The following CDK13 variants were observed in gnomAD, a reference collection of about 807,000 sequenced individuals.
The protein encoded by CDK13 is cyclin dependent kinase 13.
A neutral mutation model predicts 137.6 loss-of-function variants in CDK13; 40 were observed. The observed-to-expected ratio is 0.29, with a 90% CI of 0.23 to 0.38. The LOEUF is 0.38. CDK13 is among the 10% of genes least tolerant of loss of function. The pLI is 1.00. For missense variants in CDK13, 1,704 were observed against 1,951.8 expected, an observed-to-expected ratio of 0.87 and a Z score of 2.39; for synonymous variants, 869 against 760.1, an observed-to-expected ratio of 1.14 and a Z score of -2.36.
intron 9 of CDK13, chr7:40,071,618 A>T (rs1267389074): frequency 6.6e-6 from 1 of 152,144 alleles, no homozygotes; most frequent in African/African-American, 2.4e-5. Flanking sequence ...TGATTTTGTG[A>T]TATTATGCAT....
chr7:39,956,425 C>T (rs1787410512), intron 1 of CDK13, among the ~76,000 whole-genome samples: 1 of 152,220 alleles, frequency 6.6e-6, no homozygotes, highest in Non-Finnish European at 1.5e-5. Context: ...CTTTCCATTT[C>T]TATCACCATT....
chr7:40,089,721 AGAGTGTGTGTGTGTGTGT>A (rs746865749), intron 12 of CDK13, among the ~76,000 whole-genome samples: 34 of 126,830 alleles, frequency 2.7e-4, no homozygotes, highest in Admixed American at 1.3e-3. Flanking sequence ...AGAGAGAGAG[AGAGTGTGTGTGTGTGTGT>A]GTGTGTGTGT....
In CDK13 at chr7:40,024,876, C is replaced by T. The variant is rs148736030; in HGVS notation, c.2354-20960C>T. Among the ~76,000 whole-genome samples, 713 of 152,086 alleles carry T rather than the reference C, an allele frequency of 4.7e-3. 5 individuals are homozygous for T. Among genetic ancestry groups the T allele is most frequent in the African/African-American group, 0.015 (639 of 41,496 alleles). On this transcript the variant is annotated intron_variant, in intron 5 of 13. Transcript: ENST00000181839. ...ATGGGGTTTCACCATGTTAGCCAGG[C>T]TGGTCTCTAACTCCTGACCTCAAGT... is the stretch of plus-strand genomic sequence containing the variant.
chr7:39,981,953 G>C (rs1256495833), intron 1 of CDK13, among the ~76,000 whole-genome samples: 5 of 116,090 alleles, frequency 4.3e-5, no homozygotes, highest in Non-Finnish European at 8.3e-5. Context: ...CACTACGCCC[G>C]GCTAATTTTT....
At chr7:40,075,422 T>G (rs1786524476) in intron 9 of CDK13, among the ~76,000 whole-genome samples, 1 of 152,078 alleles carries the variant, frequency 6.6e-6, no homozygotes, top group African/African-American at 2.4e-5. Context: ...TCAGATATCT[T>G]TCAACATCAC....
rs1051609964 is a variant in CDK13 at position 40,041,333 on chromosome 7, C to G, written c.2354-4503C>G. On this transcript the variant is annotated intron_variant, in intron 5 of 13. Coordinates refer to ENST00000181839, the MANE Select transcript of CDK13 (RefSeq NM_003718.5). ...AGAGTGAGACTCTGTCTCAAAAAAA[C>G]CAACTAAACAAATAATACATTTAAC... Among the ~76,000 whole-genome samples, 4 of 152,004 alleles carry G rather than the reference C, an allele frequency of 2.6e-5. No individual in the cohort carries two copies. The South Asian group carries it at 8.3e-4, about 32-fold the overall frequency.
intron 1 of CDK13, among the ~76,000 whole-genome samples, chr7:39,980,411 A>C (rs1450636823): frequency 6.6e-6 from 1 of 152,272 alleles, no homozygotes; most frequent in Non-Finnish European, 1.5e-5. Flanking sequence ...AGAGGCTACC[A>C]CAGTGCTGTT....
intron 9 of CDK13, chr7:40,068,020 A>T (rs1786319952): frequency 6.6e-6 from 1 of 151,602 alleles, no homozygotes; most frequent in Non-Finnish European, 1.5e-5. Context: ...GCTTGAACCC[A>T]GAAGGCGGAG....
At chr7:40,013,341 G>A (rs1784936343) in intron 5 of CDK13, among the ~76,000 whole-genome samples, 1 of 152,120 alleles carries the variant, frequency 6.6e-6, no homozygotes, top group African/African-American at 2.4e-5. Context: ...AGTCATGGTT[G>A]CACAACAGTA....
At position 40,087,368 on chromosome 7, in the gene CDK13, C is replaced by G. The variant is rs1203337584; in HGVS notation, c.3030-758C>G. Reference sequence around the variant, plus strand: ...ATGTTGCCCAGGCTGGTCTTGAACTCCTGGGCTCAAGCAATCCTCCCGTCT... The same window carrying G: ...ATGTTGCCCAGGCTGGTCTTGAACTGCTGGGCTCAAGCAATCCTCCCGTCT... On this transcript the variant is annotated intron_variant, in intron 11 of 13. Transcript: ENST00000181839. Among the ~76,000 whole-genome samples, 3 of 152,118 alleles carry G rather than the reference C, an allele frequency of 2.0e-5. No individual in the cohort carries two copies. In the East Asian group the frequency reaches 5.8e-4, roughly 30 times the overall value.
At chr7:40,016,232 T>C (rs752348122) in intron 5 of CDK13, among the ~76,000 whole-genome samples, 5 of 152,144 alleles carry the variant, frequency 3.3e-5, no homozygotes, top group Non-Finnish European at 7.4e-5. Flanking sequence ...TAGAGGACAA[T>C]GAGGCTGGGG....
intron 2 of CDK13, among the ~76,000 whole-genome samples, chr7:39,994,140 G>C (rs1333805893): frequency 6.6e-6 from 1 of 151,974 alleles, no homozygotes; most frequent in African/African-American, 2.4e-5. Context: ...GCTTCTCAGA[G>C]TCTGTTGCTT....
intron 1 of CDK13, among the ~76,000 whole-genome samples, chr7:39,954,576 C>T (rs1787348732): frequency 6.6e-6 from 1 of 152,012 alleles, no homozygotes; most frequent in Non-Finnish European, 1.5e-5. Context: ...GTTTACTGAA[C>T]ATACAAAATA....
At chr7:40,008,281 G>C (rs1388118139) in intron 5 of CDK13, among the ~76,000 whole-genome samples, 1 of 152,184 alleles carries the variant, frequency 6.6e-6, no homozygotes, top group Non-Finnish European at 1.5e-5. Context: ...CACTATTCAT[G>C]TTCCAAGTGC....
In CDK13 at chr7:40,029,593, G is replaced by C. The variant is rs138256620; in HGVS notation, c.2354-16243G>C. ...AAATTAGCTGGGCGTGATGGCGCGC[G>C]CCTGTAGTTTCAGTTTCTCGGGAGG... On this transcript the variant is annotated intron_variant, in intron 5 of 13. Transcript: ENST00000181839. 6.6e-3 allele frequency among the ~76,000 whole-genome samples: 1,007 copies of C among 151,954 alleles called. 11 individuals carry two copies. The highest frequency in any genetic ancestry group is 0.022 in the African/African-American group (932 of 41,450).
At chr7:40,078,449 TATA>T in intron 10 of CDK13, 1 of 276,204 alleles carries the variant, frequency 3.6e-6, no homozygotes, top group Non-Finnish European at 6.7e-6. Flanking sequence ...TCTTAATTTG[TATA>T]ATAACAGCAA....
chr7:40,001,260 G>A (rs1784679465), intron 4 of CDK13, among the ~76,000 whole-genome samples: 1 of 150,698 alleles, frequency 6.6e-6, no homozygotes, highest in South Asian at 2.1e-4. Context: ...CTGTTGCCAG[G>A]GCTGGAGTGC....
chr7:40,014,297 G>C (rs1194744901), intron 5 of CDK13, among the ~76,000 whole-genome samples: 1 of 151,732 alleles, frequency 6.6e-6, no homozygotes, highest in African/African-American at 2.4e-5. Context: ...TCGAACTCCT[G>C]ACCTCGTGAT....
In CDK13 at chr7:39,970,617, C is replaced by T. The variant is rs185400816; in HGVS notation, c.1212-16982C>T. On this transcript the variant is annotated intron_variant, in intron 1 of 13. Transcript: ENST00000181839. ...CTGGGATTACAGGCATGTGCCACCA[C>T]GCCCAGCTAATTTTTGTATTTTTAG... Among the ~76,000 whole-genome samples the T allele has an allele frequency of 2.6e-4, 39 of 152,194 alleles. No homozygotes were observed. In the East Asian group the frequency reaches 5.8e-3, roughly 23 times the overall value.
Sources: allele counts gnomAD v4.1 joint callset (sites outside exome capture counted in the v4.1 genomes callset), GRCh38; gene constraint gnomAD v4.1.1; transcripts MANE v1.5; gene names NCBI Gene and HGNC (gene_info 2026-07-23, HGNC 2026-07-21).